ANKS1B: variants seen among roughly 807,000 people sequenced by gnomAD.
The protein encoded by ANKS1B is ankyrin repeat and sterile alpha motif domain-containing protein 1B.
A neutral mutation model predicts 148.3 loss-of-function variants in ANKS1B; 36 were observed. That is an observed-to-expected ratio of 0.24 (90% CI 0.19 to 0.32). The LOEUF is 0.32. ANKS1B is among the 10% of genes least tolerant of loss of function. The pLI, the probability that ANKS1B is intolerant of heterozygous loss-of-function variation, is 1.00. For synonymous variants in ANKS1B, 542 were observed against 560.8 expected (o/e 0.97, Z 0.47); for missense variants, 1,157 against 1,542.6 (o/e 0.75, Z 4.19).
At chr12:98,781,350 C>T (rs1345928677) in intron 23 of ANKS1B, 147 bp from the exon 24 acceptor site, 7 of 683,740 alleles carry the variant, frequency 1.0e-5, no homozygotes, top group Admixed American at 2.0e-5. Context: ...ACATCAGATA[C>T]ACACCACGCA....
chr12:99,236,046 A>G (rs1601923469), intron 14 of ANKS1B, among the ~76,000 whole-genome samples: 1 of 152,332 alleles, frequency 6.6e-6, no homozygotes, highest in East Asian at 1.9e-4. Context: ...CTGATTTAGT[A>G]GCATGGAGCC....
intron 12 of ANKS1B, among the ~76,000 whole-genome samples, chr12:99,324,440 C>T (rs1194545689): frequency 6.6e-6 from 1 of 152,074 alleles, no homozygotes; most frequent in Non-Finnish European, 1.5e-5. Context: ...AGGGTCCTTT[C>T]CAGCATCACG....
chr12:98,779,671 T>C (rs2098714788), intron 24 of ANKS1B, among the ~76,000 whole-genome samples: 1 of 152,238 alleles, frequency 6.6e-6, no homozygotes, highest in Non-Finnish European at 1.5e-5. Flanking sequence ...TTTGCCATTC[T>C]ATAATGTGTT....
intron 12 of ANKS1B, among the ~76,000 whole-genome samples, chr12:99,378,560 C>A (rs1434100845): frequency 6.8e-6 from 1 of 147,554 alleles, no homozygotes; most frequent in African/African-American, 2.5e-5. Flanking sequence ...GAGGCTGAGG[C>A]AGGAGAATTG....
chr12:99,762,485 AGAAT>A (rs2062229298), intron 8 of ANKS1B, among the ~76,000 whole-genome samples: 1 of 151,660 alleles, frequency 6.6e-6, no homozygotes, highest in African/African-American at 2.4e-5. Context: ...AGCCATACGC[AGAAT>A]GAAACTGGAC....
chr12:98,948,750 GTCTC>G (rs2099849125), intron 17 of ANKS1B, among the ~76,000 whole-genome samples: 1 of 142,038 alleles, frequency 7.0e-6, no homozygotes, highest in Non-Finnish European at 1.5e-5. Context: ...CTCTCTCTCT[GTCTC>G]TCACACACCC....
intron 11 of ANKS1B, among the ~76,000 whole-genome samples, chr12:99,415,917 T>G (rs1367902535): frequency 6.6e-6 from 1 of 152,036 alleles, no homozygotes; most frequent in Non-Finnish European, 1.5e-5. Flanking sequence ...TCTCCTGACC[T>G]CGTGATCCAC....
intron 9 of ANKS1B, among the ~76,000 whole-genome samples, chr12:99,548,137 C>T (rs2097187496): frequency 6.6e-6 from 1 of 152,150 alleles, no homozygotes; most frequent in African/African-American, 2.4e-5. Flanking sequence ...CCACCTTTCC[C>T]TAATTTTTGT....
intron 17 of ANKS1B, among the ~76,000 whole-genome samples, chr12:98,911,385 C>T (rs2099786668): frequency 6.6e-6 from 1 of 152,082 alleles, no homozygotes; most frequent in Non-Finnish European, 1.5e-5. Context: ...AACTGTATGG[C>T]CCTGAGAAAC....
chr12:99,759,334 G>T (rs190443232), intron 8 of ANKS1B, among the ~76,000 whole-genome samples: 1 of 151,866 alleles, frequency 6.6e-6, no homozygotes, highest in African/African-American at 2.4e-5. Context: ...TTTTACTTAC[G>T]ATTATTGATT....
intron 9 of ANKS1B, among the ~76,000 whole-genome samples, chr12:99,525,318 A>G (rs755703650): frequency 6.6e-6 from 1 of 152,192 alleles, no homozygotes; most frequent in Non-Finnish European, 1.5e-5. Context: ...ATGTAATACA[A>G]TACCATTGCA....
intron 9 of ANKS1B, among the ~76,000 whole-genome samples, chr12:99,647,503 C>A (rs1235642659): frequency 6.6e-6 from 1 of 152,246 alleles, no homozygotes; most frequent in East Asian, 1.9e-4. Context: ...TCTTGCCTTG[C>A]ACAGAAAATT....
chr12:99,282,202 T>C (rs962353007), intron 12 of ANKS1B, among the ~76,000 whole-genome samples: 2 of 152,162 alleles, frequency 1.3e-5, no homozygotes, highest in African/African-American at 4.8e-5. Context: ...AAATAAGCCA[T>C]TTGGCTACCT....
intron 8 of ANKS1B, among the ~76,000 whole-genome samples, chr12:99,685,118 T>C (rs557686187): frequency 1.3e-5 from 2 of 152,160 alleles, no homozygotes; most frequent in South Asian, 4.1e-4. Flanking sequence ...AAAGAAATAA[T>C]CAGCAGAGTA....
chr12:99,527,578 G>A (rs1023657837), intron 9 of ANKS1B, among the ~76,000 whole-genome samples: 1 of 152,088 alleles, frequency 6.6e-6, no homozygotes, highest in African/African-American at 2.4e-5. Flanking sequence ...ATTATCCCAG[G>A]TCATGTTGAT....
At chr12:98,742,219 C>T (rs932098129), downstream of ANKS1B, among the ~76,000 whole-genome samples, 2 of 152,334 alleles carry the variant, frequency 1.3e-5, no homozygotes, top group South Asian at 2.1e-4. Context: ...CGGCTGCAGT[C>T]GCCACCTTCC....
At chr12:99,650,729 T>C (rs2098413838) in intron 9 of ANKS1B, among the ~76,000 whole-genome samples, 1 of 152,168 alleles carries the variant, frequency 6.6e-6, no homozygotes, top group African/African-American at 2.4e-5. Flanking sequence ...CCAATTTTAG[T>C]ATTCTTGGAG....
chr12:99,565,308 A>T (rs936896887), intron 9 of ANKS1B, among the ~76,000 whole-genome samples: 1 of 152,176 alleles, frequency 6.6e-6, no homozygotes, highest in Non-Finnish European at 1.5e-5. Flanking sequence ...TCTTCATTGC[A>T]ATCCATTAAG....
chr12:99,046,695 A>G (rs1421255740), intron 17 of ANKS1B, among the ~76,000 whole-genome samples: 3 of 152,016 alleles, frequency 2.0e-5, no homozygotes, highest in African/African-American at 7.2e-5. Context: ...GCTACTTGGA[A>G]GGCTGAGGCA....
Sources: gnomAD v4.1 joint callset for allele counts (sites outside exome capture counted in the v4.1 genomes callset) on GRCh38, gnomAD v4.1.1 for gene constraint, MANE v1.5 for transcripts, NCBI Gene and HGNC (gene_info 2026-07-23, HGNC 2026-07-21) for gene names.